Variants in TRIM71 observed in about 807,000 individuals in gnomAD.
TRIM71 encodes tripartite motif containing 71, also known as E3 ubiquitin-protein ligase TRIM71.
A neutral mutation model predicts 61.2 loss-of-function variants in TRIM71; 9 were observed. The observed-to-expected ratio is 0.15, with a 90% CI of 0.09 to 0.26. The LOEUF (loss-of-function observed/expected upper bound fraction) is 0.26, where lower values mean the gene tolerates loss of function less well. Ranked by LOEUF, TRIM71 falls within the 10% of genes least tolerant of loss-of-function variation. TRIM71 has a pLI of 1.00. For missense variants in TRIM71, 998 were observed against 1,238.7 expected, an observed-to-expected ratio of 0.81 and a Z score of 2.92; for synonymous variants, 645 against 553.2, an observed-to-expected ratio of 1.17 and a Z score of -2.33.
chr3:32,891,855 T>TCC lies in TRIM71; in HGVS notation c.*45_*46insCC. On this transcript the variant is annotated 3_prime_UTR_variant, in exon 4 of 4. Coordinates refer to ENST00000383763, the MANE Select transcript of TRIM71 (RefSeq NM_001039111.3). This position sits in a 1 kb window ranked among gnomAD's most constrained non-coding sequence, Gnocchi z 8.2. ...TGTGTTTGGGGTGTGTGTGCGTGTC[T>TCC]CTCTCTCTCTCTCTCTCTTTCTCTT... is the stretch of plus-strand genomic sequence containing the variant. The TCC allele has an allele frequency of 1.0e-6, 1 of 1,004,170 alleles. No individual in the cohort carries two copies. The highest frequency in any genetic ancestry group is 1.5e-6 in the Non-Finnish European group (1 of 666,030). The allele number at this position is 1,004,170 out of a possible 1,614,324, so 62.2% of individuals were successfully genotyped here. A position where few individuals can be genotyped will look rare whatever the true frequency, so the allele number is the denominator to read the frequency against.
chr3:32,873,621 A>G (rs998801215), intron 1 of TRIM71, among the ~76,000 whole-genome samples, 197 bp from the exon 2 acceptor site: 3 of 152,056 alleles, frequency 2.0e-5, no homozygotes, highest in African/African-American at 7.2e-5. Flanking sequence ...TGGGGCAGAG[A>G]GAGTGGGAGA....
At chr3:32,871,293 A>G (rs1488996363) in intron 1 of TRIM71, among the ~76,000 whole-genome samples, 1 of 152,156 alleles carries the variant, frequency 6.6e-6, no homozygotes, top group Non-Finnish European at 1.5e-5. Flanking sequence ...AGGTAGTTAC[A>G]ATTTGCAAGA....
chr3:32,841,534 C>T (rs1282948275), intron 1 of TRIM71, among the ~76,000 whole-genome samples: 3 of 152,040 alleles, frequency 2.0e-5, no homozygotes, highest in East Asian at 1.9e-4. Flanking sequence ...GTTAGCTGGG[C>T]GTGGTGGCGT....
chr3:32,866,298 G>A (rs1475522816), intron 1 of TRIM71, among the ~76,000 whole-genome samples: 1 of 151,980 alleles, frequency 6.6e-6, no homozygotes, highest in Non-Finnish European at 1.5e-5. Context: ...TCCTGGGCTG[G>A]AGTGCAGTGG....
chr3:32,823,611 G>A (rs73044130), intron 1 of TRIM71, among the ~76,000 whole-genome samples: 1 of 148,304 alleles, frequency 6.7e-6, no homozygotes, highest in Non-Finnish European at 1.5e-5. Context: ...ATTTGACAAC[G>A]GTATTTGTTC....
intron 1 of TRIM71, among the ~76,000 whole-genome samples, chr3:32,837,470 G>A (rs1696347067): frequency 6.6e-6 from 1 of 152,156 alleles, no homozygotes; most frequent in Non-Finnish European, 1.5e-5. Context: ...TCTAATGATG[G>A]AAAGTTGCAA....
At chr3:32,885,138 T>G (rs894064272) in intron 2 of TRIM71, among the ~76,000 whole-genome samples, 1 of 152,212 alleles carries the variant, frequency 6.6e-6, no homozygotes, top group Non-Finnish European at 1.5e-5. Flanking sequence ...GGCTCCAGTT[T>G]GGGCTTCCCT....
chr3:32,847,414 C>CA (rs1696488124), intron 1 of TRIM71, among the ~76,000 whole-genome samples: 1 of 152,116 alleles, frequency 6.6e-6, no homozygotes, highest in Admixed American at 6.6e-5. Context: ...AGGCTGGTCT[C>CA]AAACTCCCGA....
chr3:32,854,690 A>G (rs1696576715), intron 1 of TRIM71, among the ~76,000 whole-genome samples: 1 of 152,210 alleles, frequency 6.6e-6, no homozygotes, highest in African/African-American at 2.4e-5. Flanking sequence ...ATAGATGAGA[A>G]TGGTGTTTTG....
chr3:32,876,449 T>C (rs927450256), intron 2 of TRIM71, among the ~76,000 whole-genome samples: 5 of 152,132 alleles, frequency 3.3e-5, no homozygotes, highest in African/African-American at 1.2e-4. Flanking sequence ...CCAGGCATGG[T>C]GGCAGGCACC....
chr3:32,824,797 C>A lies in TRIM71; in HGVS notation c.852+5865C>A, dbSNP rs1488337906. ...CCTCGCTGGGCTAGATAGTCCTTTT[C>A]TTTTCTTTTTTTCTTGAGATGGAGT... On this transcript the variant is annotated intron_variant, in intron 1 of 3. Transcript: ENST00000383763. Among the ~76,000 whole-genome samples, 7 of 151,880 alleles carry A rather than the reference C, an allele frequency of 4.6e-5. No individual in the cohort carries two copies. The South Asian group carries it at 8.3e-4, about 18-fold the overall frequency.
chr3:32,850,954 T>C (rs1302761750), intron 1 of TRIM71, among the ~76,000 whole-genome samples: 1 of 152,174 alleles, frequency 6.6e-6, no homozygotes, highest in African/African-American at 2.4e-5. Context: ...GGGGTTTAAA[T>C]AGAAAAGGTG....
At chr3:32,883,392 G>T (rs1206300056) in intron 2 of TRIM71, among the ~76,000 whole-genome samples, 1 of 152,222 alleles carries the variant, frequency 6.6e-6, no homozygotes, top group Non-Finnish European at 1.5e-5. Context: ...TCGGGACCAT[G>T]CTCCCTCTGA....
At chr3:32,845,703 A>G (rs1696462888) in intron 1 of TRIM71, among the ~76,000 whole-genome samples, 1 of 127,554 alleles carries the variant, frequency 7.8e-6, no homozygotes, top group South Asian at 3.0e-4. Context: ...CATGCGACCT[A>G]GGCCAAGTTT....
At chr3:32,866,847 A>T (rs928752985) in intron 1 of TRIM71, among the ~76,000 whole-genome samples, 1 of 152,160 alleles carries the variant, frequency 6.6e-6, no homozygotes, top group Admixed American at 6.5e-5. Context: ...AGTAATGGCA[A>T]CTTTTTGGGG....
chr3:32,882,646 A>T (rs1696922124), intron 2 of TRIM71, among the ~76,000 whole-genome samples: 1 of 152,054 alleles, frequency 6.6e-6, no homozygotes, highest in Admixed American at 6.5e-5. Flanking sequence ...CCCAAGACTC[A>T]AGCAATCCTT....
chr3:32,838,360 G>T (rs867931343), intron 1 of TRIM71, among the ~76,000 whole-genome samples: 1 of 151,978 alleles, frequency 6.6e-6, no homozygotes, highest in South Asian at 2.1e-4. Flanking sequence ...TAGTAGCTGG[G>T]ATTAGAGGCT....
chr3:32,882,967 C>T (rs560235015), intron 2 of TRIM71, among the ~76,000 whole-genome samples: 1 of 152,342 alleles, frequency 6.6e-6, no homozygotes, highest in South Asian at 2.1e-4. Flanking sequence ...GTAACCACAG[C>T]TTTCTTTCCT....
At chr3:32,844,493 C>G (rs1288462303) in intron 1 of TRIM71, among the ~76,000 whole-genome samples, 1 of 152,180 alleles carries the variant, frequency 6.6e-6, no homozygotes. Context: ...GCCTCCCAGA[C>G]TCAAGCAATC....
Sources: gnomAD v4.1 joint callset for allele counts (sites outside exome capture counted in the v4.1 genomes callset) on GRCh38, gnomAD v4.1.1 for gene constraint, Gnocchi (gnomAD v3.1) non-coding constraint, MANE v1.5 for transcripts, NCBI Gene and HGNC (gene_info 2026-07-23, HGNC 2026-07-21) for gene names.